Variants in CCDC85A observed in about 807,000 individuals in gnomAD.
CCDC85A encodes coiled-coil domain-containing protein 85A.
A neutral mutation model predicts 50.2 loss-of-function variants in CCDC85A; 38 were observed. The ratio of observed to expected loss-of-function variants is 0.76; its 90% CI spans 0.58 to 0.99. CCDC85A has a LOEUF of 0.99. Among genes scored for constraint, CCDC85A ranks in the 50% least tolerant of loss-of-function variants. The pLI, the probability that CCDC85A is intolerant of heterozygous loss-of-function variation, is 0.00. For missense variants in CCDC85A, 820 were observed against 742.0 expected (o/e 1.11, Z -1.22); for synonymous variants, 366 against 301.4 (o/e 1.21, Z -2.22).
At chr2:56,314,869 G>A (rs1327450187) in intron 2 of CCDC85A, among the ~76,000 whole-genome samples, 3 of 152,048 alleles carry the variant, frequency 2.0e-5, no homozygotes, top group Non-Finnish European at 2.9e-5. Context: ...GGAGTTTCCT[G>A]TCTCCCAGCA....
chr2:56,234,667 T>A (rs1236897806), intron 2 of CCDC85A, among the ~76,000 whole-genome samples: 1 of 152,168 alleles, frequency 6.6e-6, no homozygotes, highest in Non-Finnish European at 1.5e-5. Flanking sequence ...GGATTTCATT[T>A]CCCTTTCAAA....
chr2:56,288,664 G>A (rs1008250219), intron 2 of CCDC85A, among the ~76,000 whole-genome samples: 3 of 151,684 alleles, frequency 2.0e-5, no homozygotes, highest in Non-Finnish European at 2.9e-5. Context: ...TTCATCTCCT[G>A]GGGCCCTGTT....
chr2:56,376,430 A>G (rs1676340791), intron 5 of CCDC85A, among the ~76,000 whole-genome samples: 1 of 152,098 alleles, frequency 6.6e-6, no homozygotes, highest in Non-Finnish European at 1.5e-5. Flanking sequence ...GGGTTCTCAA[A>G]CTCCAGTTAA....
chr2:56,228,545 T>TA (rs974062861), intron 2 of CCDC85A, among the ~76,000 whole-genome samples: 27 of 151,970 alleles, frequency 1.8e-4, no homozygotes, highest in African/African-American at 5.8e-4. Flanking sequence ...TTTATTTATT[T>TA]TTTTTGAGAC....
chr2:56,184,293 G>A lies in CCDC85A; in HGVS notation c.-332G>A. On this transcript the variant is annotated 5_prime_UTR_variant, in exon 1 of 6. Transcript: ENST00000407595. ...GAGGAGAGGGCAGGGGAACGGCGGT[G>A]CAGCTCCCCCGCTGTCCCCGAGGAT... The A allele has an allele frequency of 1.4e-6, 1 of 697,306 alleles. No individual in the cohort carries two copies. The highest frequency in any genetic ancestry group is 1.8e-6 in the Non-Finnish European group (1 of 543,364). 43.2% of individuals were successfully genotyped at this position (697,306 alleles called of 1,614,324 possible).
chr2:56,262,467 A>C (rs921883602), intron 2 of CCDC85A, among the ~76,000 whole-genome samples: 13 of 152,290 alleles, frequency 8.5e-5, no homozygotes, highest in Middle Eastern at 3.4e-3. Flanking sequence ...GGGTTTTCTC[A>C]TGAGAAGCCC....
intron 2 of CCDC85A, among the ~76,000 whole-genome samples, chr2:56,256,148 A>G (rs1669974943): frequency 6.6e-6 from 1 of 152,220 alleles, no homozygotes; most frequent in Admixed American, 6.5e-5. Context: ...TGCTTTGATT[A>G]CAGGTCAAAA....
chr2:56,267,044 T>C (rs1307903221), intron 2 of CCDC85A, among the ~76,000 whole-genome samples: 2 of 152,176 alleles, frequency 1.3e-5, no homozygotes, highest in South Asian at 4.1e-4. Context: ...GCTTTTTTTT[T>C]TCTAATATAC....
At chr2:56,185,380 G>T (rs865984668) in intron 1 of CCDC85A, among the ~76,000 whole-genome samples, 16 of 152,118 alleles carry the variant, frequency 1.1e-4, no homozygotes, top group South Asian at 2.1e-4. Context: ...GCGGCTGGCG[G>T]GGCGCCCGGG....
chr2:56,186,290 G>C lies in CCDC85A; in HGVS notation c.276+1390G>C, dbSNP rs554759175. ...TAGAGGCAGGCTAGTGTAGTAGGAA[G>C]ATGATCTCAGAGGTGGGTTTGAATT... On this transcript the variant is annotated intron_variant, in intron 1 of 5. Transcript: ENST00000407595. Among the ~76,000 whole-genome samples, 13 of 152,336 alleles carry C rather than the reference G, an allele frequency of 8.5e-5. No homozygotes were observed. In the South Asian group the frequency reaches 2.5e-3, roughly 29 times the overall value.
In CCDC85A at chr2:56,385,702, G is replaced by A. The variant is rs1258725657; in HGVS notation, c.*1347G>A. On this transcript the variant is annotated 3_prime_UTR_variant, in exon 6 of 6. Transcript: ENST00000407595. ...GTTTTAGATGGGCTCATTACATAAC[G>A]AGTTAATTGTCACTAGTAGGAGACT... The A allele has an allele frequency of 1.3e-5, 2 of 151,772 alleles. No individual in the cohort carries two copies. Among genetic ancestry groups the A allele is most frequent in the African/African-American group, 2.4e-5 (1 of 41,352 alleles). 9.4% of individuals were successfully genotyped at this position (151,772 alleles called of 1,614,324 possible).
At chr2:56,251,352 G>C (rs1669748224) in intron 2 of CCDC85A, among the ~76,000 whole-genome samples, 1 of 152,180 alleles carries the variant, frequency 6.6e-6, no homozygotes, top group Non-Finnish European at 1.5e-5. Flanking sequence ...GCCCATATGA[G>C]TGGAAAATAA....
intron 2 of CCDC85A, among the ~76,000 whole-genome samples, chr2:56,214,575 G>GT (rs200767487): frequency 0.048 from 7,351 of 151,660 alleles, 200 homozygotes; most frequent in African/African-American, 0.053. Flanking sequence ...ATAATTGTGT[G>GT]TTTTTTTTGG....
At chr2:56,319,211 A>G (rs116423158) in intron 2 of CCDC85A, among the ~76,000 whole-genome samples, 4 of 152,226 alleles carry the variant, frequency 2.6e-5, no homozygotes, top group Non-Finnish European at 5.9e-5. Context: ...CTGTACAACA[A>G]CCTTGTGGTG....
chr2:56,282,575 T>A (rs1671251749), intron 2 of CCDC85A, among the ~76,000 whole-genome samples: 1 of 152,254 alleles, frequency 6.6e-6, no homozygotes, highest in Non-Finnish European at 1.5e-5. Flanking sequence ...AATGGCGCGA[T>A]CTCGGCTCAC....
intron 2 of CCDC85A, among the ~76,000 whole-genome samples, chr2:56,269,502 T>C (rs1426146448): frequency 6.6e-6 from 1 of 152,186 alleles, no homozygotes; most frequent in Non-Finnish European, 1.5e-5. Context: ...AAGAGGCCCT[T>C]ACAAGTGTGG....
At position 56,369,585 on chromosome 2, in the gene CCDC85A, A is replaced by C. The variant is rs139495595; in HGVS notation, c.1318-2759A>C. ...TCAGCAAGGTAAAAGTCTTCAAGTCAGGCTGACTTATTCTTCTTAGCTTAA... is the reference window on the plus strand; with the variant it reads ...TCAGCAAGGTAAAAGTCTTCAAGTCCGGCTGACTTATTCTTCTTAGCTTAA... On this transcript the variant is annotated intron_variant, in intron 3 of 5. Transcript: ENST00000407595. 3.6e-3 allele frequency among the ~76,000 whole-genome samples: 543 copies of C among 152,260 alleles called. 3 individuals are homozygous for C. Among genetic ancestry groups the C allele is most frequent in the Middle Eastern group, 0.017 (5 of 294 alleles).
intron 3 of CCDC85A, among the ~76,000 whole-genome samples, chr2:56,352,804 G>T (rs1675021903): frequency 1.3e-5 from 2 of 152,260 alleles, no homozygotes; most frequent in Middle Eastern, 3.4e-3. Flanking sequence ...CCAAATAGGG[G>T]TTTCAAGAAC....
At chr2:56,210,499 C>G (rs537620303) in intron 2 of CCDC85A, among the ~76,000 whole-genome samples, 8 of 152,098 alleles carry the variant, frequency 5.3e-5, no homozygotes, top group African/African-American at 1.9e-4. Context: ...TTAGGTGGCT[C>G]AGGAATTTGG....
Sources: gnomAD v4.1 joint callset for allele counts (sites outside exome capture counted in the v4.1 genomes callset) on GRCh38, gnomAD v4.1.1 for gene constraint, MANE v1.5 for transcripts, NCBI Gene and HGNC (gene_info 2026-07-23, HGNC 2026-07-21) for gene names.